SRBD1: variants seen among roughly 807,000 people sequenced by gnomAD.
SRBD1 encodes S1 RNA binding domain 1, also known as S1 RNA-binding domain-containing protein 1.
SRBD1 carries 88 observed loss-of-function variants against 115.3 expected under a neutral mutation model. The ratio of observed to expected loss-of-function variants is 0.76; its 90% confidence interval spans 0.64 to 0.91. SRBD1 has a LOEUF of 0.91. Among genes scored for constraint, SRBD1 ranks in the 40% least tolerant of loss-of-function variants. SRBD1 has a pLI of 0.00. For missense variants in SRBD1, 1,385 were observed against 1,177.4 expected (o/e 1.18, Z -2.58); for synonymous variants, 509 against 407.7 (o/e 1.25, Z -2.99).
chr2:45,584,790 T>C (rs1486575307), intron 5 of SRBD1, among the ~76,000 whole-genome samples: 1 of 152,206 alleles, frequency 6.6e-6, no homozygotes, highest in African/African-American at 2.4e-5. Context: ...TTTAAAAAGG[T>C]ACTTTCCATT....
chr2:45,583,213 T>TA (rs57312291), intron 5 of SRBD1, among the ~76,000 whole-genome samples: 1,735 of 145,686 alleles, frequency 0.012, 15 homozygotes, highest in Non-Finnish European at 0.017. Context: ...ACTTGTAAAT[T>TA]AAAAAAAAAA....
In SRBD1 at chr2:45,557,165, G is replaced by A. The variant is rs541460509; in HGVS notation, c.1410-3435C>T. On this transcript the variant is annotated intron_variant, in intron 10 of 20. Transcript: ENST00000263736. ...AAATAAAGTGGCAAGATCAACAGGAGGAAAGATGAGGGTAGAAAATGTGGC... is the reference window on the plus strand; with the variant it reads ...AAATAAAGTGGCAAGATCAACAGGAAGAAAGATGAGGGTAGAAAATGTGGC... Among the ~76,000 whole-genome samples, 6 of 152,256 alleles carry A rather than the reference G, an allele frequency of 3.9e-5. No individual in the cohort carries two copies. The East Asian group carries it at 1.2e-3, about 29-fold the overall frequency.
intron 5 of SRBD1, among the ~76,000 whole-genome samples, chr2:45,585,011 G>A (rs182420373): frequency 3.9e-5 from 6 of 152,174 alleles, no homozygotes; most frequent in East Asian, 3.9e-4. Flanking sequence ...TTAGTGGGGC[G>A]TGGTGGCGCA....
chr2:45,543,756 T>C (rs1672021266), intron 14 of SRBD1, among the ~76,000 whole-genome samples: 1 of 152,174 alleles, frequency 6.6e-6, no homozygotes, highest in South Asian at 2.1e-4. Flanking sequence ...AAAGCACATA[T>C]TAGCAAACAA....
intron 20 of SRBD1, among the ~76,000 whole-genome samples, chr2:45,390,268 CTA>C (rs1666960801): frequency 6.6e-6 from 1 of 152,150 alleles, no homozygotes; most frequent in Admixed American, 6.6e-5. Flanking sequence ...TTTGTTAACT[CTA>C]TTATCTCCTG....
intron 16 of SRBD1, among the ~76,000 whole-genome samples, chr2:45,462,114 C>T (rs1055567308): frequency 1.3e-5 from 2 of 152,190 alleles, no homozygotes; most frequent in African/African-American, 4.8e-5. Flanking sequence ...TTAAGGTCCA[C>T]AAATCAAAAT....
chr2:45,597,080 G>A (rs1333200235), intron 4 of SRBD1, among the ~76,000 whole-genome samples: 1 of 151,968 alleles, frequency 6.6e-6, no homozygotes, highest in Non-Finnish European at 1.5e-5. Flanking sequence ...CTGGACCAGA[G>A]ATGGATACCT....
At chr2:45,553,516 T>G in intron 11 of SRBD1, 107 bp downstream of exon 11, 1 of 656,414 alleles carries the variant, frequency 1.5e-6, no homozygotes, top group Non-Finnish European at 2.3e-6. Flanking sequence ...CTGACTAAAT[T>G]CTTTCGATTG....
chr2:45,399,208 G>C (rs1424619503), intron 19 of SRBD1, among the ~76,000 whole-genome samples: 3 of 152,070 alleles, frequency 2.0e-5, no homozygotes, highest in Non-Finnish European at 4.4e-5. Context: ...CTCTTCAAAG[G>C]AATGTGACAA....
At chr2:45,464,915 G>A (rs992881897) in intron 16 of SRBD1, among the ~76,000 whole-genome samples, 4 of 151,620 alleles carry the variant, frequency 2.6e-5, no homozygotes, top group Admixed American at 6.6e-5. Flanking sequence ...TGGTTTTACC[G>A]ACATCTTTAA....
intron 14 of SRBD1, among the ~76,000 whole-genome samples, chr2:45,529,652 C>G (rs1162511074): frequency 2.0e-5 from 3 of 151,844 alleles, no homozygotes; most frequent in Admixed American, 1.3e-4. Flanking sequence ...TATTTACAAC[C>G]AGATACAGAG....
intron 14 of SRBD1, among the ~76,000 whole-genome samples, chr2:45,508,046 CGATA>C (rs1670850042): frequency 6.6e-6 from 1 of 152,018 alleles, no homozygotes; most frequent in Non-Finnish European, 1.5e-5. Context: ...AAAGCCTGAC[CGATA>C]GATATTTACA....
At chr2:45,441,681 A>C (rs1312967398) in intron 16 of SRBD1, among the ~76,000 whole-genome samples, 1 of 152,220 alleles carries the variant, frequency 6.6e-6, no homozygotes, top group East Asian at 1.9e-4. Context: ...TTCTTGCTGA[A>C]GCTGGGAATT....
chr2:45,431,434 G>C (rs1175108131), intron 16 of SRBD1, among the ~76,000 whole-genome samples: 1 of 152,146 alleles, frequency 6.6e-6, no homozygotes, highest in Non-Finnish European at 1.5e-5. Context: ...TGGCACCATG[G>C]AATATTATGC....
chr2:45,411,324 T>G (rs1035637478), intron 19 of SRBD1, among the ~76,000 whole-genome samples: 1 of 152,202 alleles, frequency 6.6e-6, no homozygotes, highest in African/African-American at 2.4e-5. Context: ...ATTTCCTATA[T>G]CTCTTAAATT....
chr2:45,528,713 TAC>T (rs575440099), intron 14 of SRBD1, among the ~76,000 whole-genome samples: 60 of 151,820 alleles, frequency 4.0e-4, no homozygotes, highest in African/African-American at 1.4e-3. Flanking sequence ...AAAGAAGATA[TAC>T]AGAGAAGACA....
At chr2:45,583,985 T>C (rs1255809564) in intron 5 of SRBD1, among the ~76,000 whole-genome samples, 1 of 152,190 alleles carries the variant, frequency 6.6e-6, no homozygotes, top group Non-Finnish European at 1.5e-5. Context: ...CCAAATATTG[T>C]TAGACTACCC....
rs1442555592 is a variant in SRBD1, at chr2:45,565,959, G to A, written c.1306-3203C>T. 2.5e-4 allele frequency among the ~76,000 whole-genome samples: 38 copies of A among 152,204 alleles called. 1 individual carries two copies. The highest frequency in any genetic ancestry group is 2.5e-3 in the Admixed American group (38 of 15,280). ...ATTTAAAATGTACAAAAGATCTGAA[G>A]AGGTATTTGTTCAAAAATTATATAC... On this transcript the variant is annotated intron_variant, in intron 9 of 20. Transcript: ENST00000263736.
intron 9 of SRBD1, among the ~76,000 whole-genome samples, chr2:45,565,163 C>T (rs1223935025): frequency 6.6e-6 from 1 of 152,104 alleles, no homozygotes; most frequent in Non-Finnish European, 1.5e-5. Context: ...ATTCAAAGGA[C>T]TGAGAATAGC....
Sources: allele counts gnomAD v4.1 joint callset (sites outside exome capture counted in the v4.1 genomes callset), GRCh38; gene constraint gnomAD v4.1.1; transcripts MANE v1.5; gene names NCBI Gene and HGNC (gene_info 2026-07-23, HGNC 2026-07-21).